CDKAL1: variants seen among roughly 807,000 people sequenced by gnomAD.
CDKAL1 encodes the protein threonylcarbamoyladenosine tRNA methylthiotransferase.
In CDKAL1, 32 loss-of-function variants were observed where a neutral mutation model predicts 68.2. The ratio of observed to expected loss-of-function variants is 0.47; its 90% CI spans 0.35 to 0.63. The LOEUF (loss-of-function observed/expected upper bound fraction) is 0.63. Ranked by LOEUF, CDKAL1 falls within the 30% of genes least tolerant of loss-of-function variation. The pLI, the probability that CDKAL1 is intolerant of heterozygous loss-of-function variation, is 0.00. For missense variants in CDKAL1, 606 were observed against 696.7 expected, an observed-to-expected ratio of 0.87 and a Z score of 1.47; for synonymous variants, 234 against 244.3, an observed-to-expected ratio of 0.96 and a Z score of 0.39.
At chr6:20,617,805 T>C (rs1766989844) in intron 4 of CDKAL1, among the ~76,000 whole-genome samples, 1 of 152,212 alleles carries the variant, frequency 6.6e-6, no homozygotes, top group Non-Finnish European at 1.5e-5. Context: ...ATTTTCTTAA[T>C]CTGGTCTATC....
intron 13 of CDKAL1, among the ~76,000 whole-genome samples, chr6:21,144,660 T>C (rs1194695676): frequency 7.0e-6 from 1 of 141,978 alleles, no homozygotes; most frequent in Non-Finnish European, 1.5e-5. Context: ...ATTAGCTGGG[T>C]GTGGTGGCAT....
intron 8 of CDKAL1, among the ~76,000 whole-genome samples, chr6:20,799,040 GTT>G (rs754008816): frequency 3.8e-4 from 18 of 47,498 alleles, no homozygotes; most frequent in East Asian, 1.7e-3. Flanking sequence ...AAAGAACTGA[GTT>G]TTTTTTTTTT....
intron 15 of CDKAL1, among the ~76,000 whole-genome samples, chr6:21,205,784 G>C (rs752266548): frequency 5.8e-4 from 86 of 147,434 alleles, no homozygotes; most frequent in Non-Finnish European, 9.9e-4. Flanking sequence ...GCCCGCCTTG[G>C]CCTCCCAAAG....
chr6:21,227,180 CTT>C (rs1262421163), intron 15 of CDKAL1, among the ~76,000 whole-genome samples: 1 of 152,196 alleles, frequency 6.6e-6, no homozygotes, highest in African/African-American at 2.4e-5. Context: ...TGTGTGTCGA[CTT>C]TTTCTATCGG....
intron 9 of CDKAL1, among the ~76,000 whole-genome samples, chr6:20,949,327 G>A (rs758782261): frequency 2.6e-5 from 4 of 152,168 alleles, no homozygotes; most frequent in Non-Finnish European, 5.9e-5. Flanking sequence ...CATTCAAGCT[G>A]CATTTCCATA....
chr6:20,974,699 C>A (rs886993763), intron 10 of CDKAL1, among the ~76,000 whole-genome samples: 16 of 151,722 alleles, frequency 1.1e-4, no homozygotes. Context: ...AATATTTGGG[C>A]CAGGTGCAGT....
intron 5 of CDKAL1, among the ~76,000 whole-genome samples, chr6:20,695,371 C>T (rs930886643): frequency 9.9e-5 from 15 of 152,178 alleles, no homozygotes; most frequent in African/African-American, 3.1e-4. Context: ...TTGTTACACT[C>T]AGGGGAAGGT....
chr6:20,974,595 G>A (rs576993435), intron 10 of CDKAL1, among the ~76,000 whole-genome samples: 105 of 152,084 alleles, frequency 6.9e-4, no homozygotes, highest in African/African-American at 2.2e-3. Flanking sequence ...CATTGATATC[G>A]TAAGGTTTCT....
At chr6:20,816,810 T>C (rs778137553) in intron 8 of CDKAL1, among the ~76,000 whole-genome samples, 17 of 152,166 alleles carry the variant, frequency 1.1e-4, no homozygotes, top group Non-Finnish European at 1.9e-4. Flanking sequence ...ATTTTTCTCA[T>C]TTGTTGAACA....
chr6:20,901,957 G>A (rs557039807), intron 9 of CDKAL1, among the ~76,000 whole-genome samples: 1 of 151,902 alleles, frequency 6.6e-6, no homozygotes, highest in Non-Finnish European at 1.5e-5. Flanking sequence ...TGTATTTTTA[G>A]TAGAGATGGG....
At chr6:20,542,670 C>G (rs996424816) in intron 2 of CDKAL1, among the ~76,000 whole-genome samples, 2 of 152,134 alleles carry the variant, frequency 1.3e-5, no homozygotes, top group Non-Finnish European at 2.9e-5. Flanking sequence ...ACACTTTACC[C>G]AGGTCTCCCG....
chr6:21,142,084 T>C (rs1462499113), intron 13 of CDKAL1, among the ~76,000 whole-genome samples: 1 of 152,030 alleles, frequency 6.6e-6, no homozygotes, highest in African/African-American at 2.4e-5. Context: ...TGGTCCTCAG[T>C]AGTGTGCACC....
At position 21,108,428 on chromosome 6, in the gene CDKAL1, C is replaced by A; in HGVS notation, c.1264C>A (p.Arg422=). 1 of 1,603,412 alleles carries A rather than the reference C, an allele frequency of 6.2e-7. No homozygotes were observed. The highest frequency in any genetic ancestry group is 8.5e-7 in the Non-Finnish European group (1 of 1,176,564). The part of the protein sequence containing the change: ...VKKQRTKDLS[R]VFHSYSPYDH... ...AAAGCAAAGGACAAAAGATCTTTCT[C>A]GGGTGTTTCATTCTTACAGTCCATA... The change falls in exon 13 of 16, where the codon CGG becomes AGG. Residue 422 remains arginine, a synonymous_variant. Coordinates refer to ENST00000274695, the MANE Select transcript of CDKAL1 (RefSeq NM_017774.3).
At chr6:21,002,499 C>T (rs1373719794) in intron 11 of CDKAL1, among the ~76,000 whole-genome samples, 1 of 151,934 alleles carries the variant, frequency 6.6e-6, no homozygotes, top group Non-Finnish European at 1.5e-5. Context: ...TAAATTAACG[C>T]TGTATTGTGT....
At chr6:20,548,486 TCA>T (rs1763690530) in intron 3 of CDKAL1, 105 bp from the exon 4 acceptor site, 1 of 672,674 alleles carries the variant, frequency 1.5e-6, no homozygotes, top group Admixed American at 2.6e-5. Flanking sequence ...TGAGCTGTGG[TCA>T]CACAGCTGCA....
At chr6:20,863,348 T>G (rs1759745359) in intron 9 of CDKAL1, among the ~76,000 whole-genome samples, 1 of 152,212 alleles carries the variant, frequency 6.6e-6, no homozygotes, top group South Asian at 2.1e-4. Flanking sequence ...ACATCATCAA[T>G]AGTGCTTACT....
chr6:21,057,147 G>A (rs1770880475), intron 11 of CDKAL1, among the ~76,000 whole-genome samples: 1 of 152,078 alleles, frequency 6.6e-6, no homozygotes, highest in South Asian at 2.1e-4. Context: ...AATCCATCTG[G>A]TCCTGGGCTT....
chr6:20,918,785 G>A (rs1430537087), intron 9 of CDKAL1, among the ~76,000 whole-genome samples: 1 of 152,152 alleles, frequency 6.6e-6, no homozygotes, highest in Admixed American at 6.5e-5. Context: ...GTAAAATGAT[G>A]CTTCCTGATG....
intron 10 of CDKAL1, among the ~76,000 whole-genome samples, chr6:20,979,443 C>A (rs914694858): frequency 6.6e-6 from 1 of 152,018 alleles, no homozygotes; most frequent in African/African-American, 2.4e-5. Flanking sequence ...TTTTAGTAGG[C>A]AGGGTTGGCT....
Sources: allele counts gnomAD v4.1 joint callset (sites outside exome capture counted in the v4.1 genomes callset), GRCh38; gene constraint gnomAD v4.1.1; transcripts MANE v1.5; gene names NCBI Gene and HGNC (gene_info 2026-07-23, HGNC 2026-07-21).